SYN1: variants seen among roughly 807,000 people sequenced by gnomAD.
SYN1 encodes the protein synapsin I.
Under a neutral mutation model 44.6 loss-of-function variants are expected in SYN1, and 8 were observed. The observed-to-expected ratio is 0.18, with a 90% CI of 0.11 to 0.32. The LOEUF is 0.32. Ranked by LOEUF, SYN1 falls within the 10% of genes least tolerant of loss-of-function variation. SYN1 has a pLI of 1.00. For missense variants in SYN1, 451 were observed against 639.4 expected (o/e 0.71, Z 3.18); for synonymous variants, 275 against 280.1 (o/e 0.98, Z 0.18).
chrX:47,606,229 T>C (rs2057896566), intron 3 of SYN1, among the ~76,000 whole-genome samples: 1 of 111,315 alleles, frequency 9.0e-6, no homozygotes, highest in Non-Finnish European at 1.9e-5. Context: ...TACATTTTCT[T>C]ATTTATTTGT....
In SYN1 at chrX:47,591,234, C is replaced by T. The variant is rs759785680; in HGVS notation, c.775-13733G>A. ...TGCTCCAGCTCCTGTTCCCACTCTTCGTGGTTCCCTTTCTGTTTCTACTCT... is the reference window on the plus strand; with the variant it reads ...TGCTCCAGCTCCTGTTCCCACTCTTTGTGGTTCCCTTTCTGTTTCTACTCT... On this transcript the variant is annotated intron_variant, in intron 5 of 12. Transcript: ENST00000295987. 4.4e-5 allele frequency among the ~76,000 whole-genome samples: 5 copies of T among 112,779 alleles called. No individual in the cohort carries two copies. In the East Asian group the frequency reaches 1.4e-3, roughly 31 times the overall value.
rs929825386 is a variant in SYN1 at position 47,594,919 on chromosome X, G to A, written c.774+10059C>T. 4.5e-5 allele frequency among the ~76,000 whole-genome samples: 5 copies of A among 110,462 alleles called. No individual in the cohort carries two copies. The South Asian group carries it at 1.9e-3, about 42-fold the overall frequency. ...ATTTTGTATTTTTAGTAGGTACGGG[G>A]TTTCTCCATGTTGGTCAGGCTGGTC... On this transcript the variant is annotated intron_variant, in intron 5 of 12. Transcript: ENST00000295987.
chrX:47,606,342 C>T (rs1180327977), intron 3 of SYN1, among the ~76,000 whole-genome samples: 1 of 107,523 alleles, frequency 9.3e-6, no homozygotes, highest in East Asian at 2.9e-4. Context: ...TCCTGGCACA[C>T]AGTAGGTGTA....
At chrX:47,577,370 C>T (rs2057781133) in intron 6 of SYN1, 69 bp downstream of exon 6, 2 of 1,098,223 alleles carry the variant, frequency 1.8e-6, no homozygotes, top group African/African-American at 3.6e-5. Flanking sequence ...GAGACGCGAT[C>T]ACACAGAATG....
intron 5 of SYN1, chrX:47,587,384 C>T (rs1335952779): frequency 8.8e-6 from 1 of 113,278 alleles, no homozygotes; most frequent in Non-Finnish European, 1.9e-5. Flanking sequence ...CCTGGCTCCC[C>T]AGCCATGGCT....
At chrX:47,607,328 ATTTTG>A in intron 1 of SYN1, 130 bp from the exon 2 acceptor site, 1 of 559,993 alleles carries the variant, frequency 1.8e-6, no homozygotes, top group Admixed American at 3.6e-5. Flanking sequence ...TTATTGAAAT[ATTTTG>A]AAAAAATCAA....
At chrX:47,575,021 A>G (rs2057773049) in intron 10 of SYN1, 107 bp downstream of exon 10, 4 of 1,047,841 alleles carry the variant, frequency 3.8e-6, no homozygotes, top group Non-Finnish European at 5.2e-6. Context: ...CATGTGTGCA[A>G]AGGTGATGCT....
intron 1 of SYN1, among the ~76,000 whole-genome samples, chrX:47,613,131 C>CAAA (rs752216661): frequency 7.2e-4 from 27 of 37,379 alleles, no homozygotes; most frequent in African/African-American, 2.5e-3. Context: ...ACTCCGTCTC[C>CAAA]AAAAAAAAAA....
At chrX:47,580,423 G>C (rs1489828145) in intron 5 of SYN1, among the ~76,000 whole-genome samples, 6 of 106,950 alleles carry the variant, frequency 5.6e-5, no homozygotes, top group Non-Finnish European at 7.7e-5. Context: ...CCGAGGTCAG[G>C]AGTTTGAGAC....
At chrX:47,589,854 AGTT>A (rs1247580549) in intron 5 of SYN1, 18 of 84,499 alleles carry the variant, frequency 2.1e-4, no homozygotes, top group African/African-American at 7.5e-4. Context: ...TACTAGAAGT[AGTT>A]ATGATAACTA....
At chrX:47,584,208 TATTGAGGATGATCAGAG>T (rs1278103568) in intron 5 of SYN1, among the ~76,000 whole-genome samples, 24 of 107,358 alleles carry the variant, frequency 2.2e-4, no homozygotes, top group Admixed American at 1.3e-3. Context: ...GATGATCAGG[TATTGAGGATGATCAGAG>T]ATTGAGGATG....
At chrX:47,599,779 G>A (rs937210091) in intron 5 of SYN1, among the ~76,000 whole-genome samples, 2 of 112,123 alleles carry the variant, frequency 1.8e-5, no homozygotes, top group Admixed American at 9.5e-5. Flanking sequence ...AGCACAAACG[G>A]TAAAGGGTTA....
chrX:47,604,837 A>C, intron 5 of SYN1, 141 bp downstream of exon 5: 2 of 575,462 alleles, frequency 3.5e-6, no homozygotes, highest in South Asian at 2.5e-5. Context: ...GGTAGACCCT[A>C]TCACAAAGCA....
At chrX:47,575,810 T>G (rs779147908) in intron 9 of SYN1, among the ~76,000 whole-genome samples, 2 of 111,981 alleles carry the variant, frequency 1.8e-5, no homozygotes, top group South Asian at 7.5e-4. Flanking sequence ...CTTTGTCCTT[T>G]CCAAAATGCT....
intron 5 of SYN1, among the ~76,000 whole-genome samples, chrX:47,587,145 C>T (rs750324887): frequency 1.8e-5 from 2 of 113,227 alleles, no homozygotes; most frequent in South Asian, 7.2e-4. Flanking sequence ...ATTCACACAT[C>T]TTGCCAGCTG....
intron 1 of SYN1, among the ~76,000 whole-genome samples, chrX:47,617,777 T>C (rs1417642915): frequency 8.9e-6 from 1 of 112,244 alleles, no homozygotes; most frequent in African/African-American, 3.2e-5. Flanking sequence ...AGACACTCCA[T>C]AAATGCTCAG....
chrX:47,575,024 G>A (rs1286111105), intron 10 of SYN1, 104 bp downstream of exon 10: 5 of 1,050,046 alleles, frequency 4.8e-6, no homozygotes, highest in Non-Finnish European at 5.2e-6. Context: ...GTGTGCAAAG[G>A]TGATGCTGTG....
At chrX:47,618,774 T>C (rs1442399269) in intron 1 of SYN1, among the ~76,000 whole-genome samples, 1 of 111,028 alleles carries the variant, frequency 9.0e-6, no homozygotes, top group Non-Finnish European at 1.9e-5. Context: ...GTTTACTAAA[T>C]AGTTTAAAAG....
intron 5 of SYN1, among the ~76,000 whole-genome samples, chrX:47,579,849 G>GCCCCCCCCCCCCCCCCCCCCCCCCCCCC (rs140381513): frequency 1.9e-4 from 16 of 83,110 alleles, no homozygotes; most frequent in Non-Finnish European, 2.3e-4. Flanking sequence ...TGTTTTTGTC[G>GCCCCCCCCCCCCCCCCCCCCCCCCCCCC]CCCCCCCACC....
Sources: allele counts gnomAD v4.1 joint callset (sites outside exome capture counted in the v4.1 genomes callset), GRCh38; gene constraint gnomAD v4.1.1; transcripts MANE v1.5; gene names NCBI Gene and HGNC (gene_info 2026-07-23, HGNC 2026-07-21).